Variants in ADAMTS19 observed in about 807,000 individuals in gnomAD.
ADAMTS19 encodes the protein ADAM metallopeptidase with thrombospondin type 1 motif 19.
ADAMTS19 carries 93 observed loss-of-function variants against 153.3 expected under a neutral mutation model. The observed-to-expected ratio is 0.61, with a 90% CI of 0.51 to 0.72. The LOEUF is 0.72. ADAMTS19 is among the 30% of genes least tolerant of loss of function. The pLI is 0.00. For missense variants in ADAMTS19, 1,482 were observed against 1,552.1 expected (o/e 0.95, Z 0.76); for synonymous variants, 600 against 556.6 (o/e 1.08, Z -1.10).
chr5:129,550,035 T>C (rs1366185731), intron 6 of ADAMTS19, among the ~76,000 whole-genome samples: 20 of 118,318 alleles, frequency 1.7e-4, no homozygotes, highest in African/African-American at 6.1e-4. Flanking sequence ...TATCTAGATA[T>C]ACATATACAT....
intron 2 of ADAMTS19, among the ~76,000 whole-genome samples, chr5:129,462,088 C>G (rs189430970): frequency 1.4e-3 from 219 of 152,330 alleles, no homozygotes; most frequent in African/African-American, 5.2e-3. Flanking sequence ...AAACTAAGCG[C>G]TCCACGTGAT....
chr5:129,467,573 C>G (rs1437385333), intron 2 of ADAMTS19, among the ~76,000 whole-genome samples: 3 of 152,134 alleles, frequency 2.0e-5, no homozygotes, highest in Non-Finnish European at 4.4e-5. Flanking sequence ...GAGAGATGAT[C>G]TACAGTGGGA....
intron 7 of ADAMTS19, among the ~76,000 whole-genome samples, chr5:129,582,448 G>A (rs1259313414): frequency 3.3e-5 from 5 of 151,400 alleles, no homozygotes; most frequent in Non-Finnish European, 7.4e-5. Context: ...TCATTTGCTT[G>A]TAAATATTAC....
chr5:129,471,132 G>A (rs935264826), intron 2 of ADAMTS19, among the ~76,000 whole-genome samples: 2 of 152,026 alleles, frequency 1.3e-5, no homozygotes, highest in African/African-American at 4.8e-5. Context: ...GAGGTAGTTG[G>A]TAGAGGAAGT....
intron 3 of ADAMTS19, among the ~76,000 whole-genome samples, chr5:129,521,662 G>A (rs1751804733): frequency 6.6e-6 from 1 of 152,052 alleles, no homozygotes; most frequent in South Asian, 2.1e-4. Flanking sequence ...CTAGCCTATA[G>A]GATGAAGGAA....
intron 8 of ADAMTS19, among the ~76,000 whole-genome samples, chr5:129,605,609 G>C (rs946405700): frequency 1.5e-4 from 23 of 152,100 alleles, no homozygotes; most frequent in African/African-American, 4.6e-4. Flanking sequence ...ACTTCAAAAT[G>C]TAACTCTCTA....
intron 6 of ADAMTS19, among the ~76,000 whole-genome samples, chr5:129,536,868 A>G (rs2126788777): frequency 6.7e-6 from 1 of 148,842 alleles, no homozygotes; most frequent in South Asian, 2.2e-4. Flanking sequence ...ATGAGAACAC[A>G]TGGACACAGG....
At chr5:129,522,258 A>G (rs1370704035) in intron 3 of ADAMTS19, among the ~76,000 whole-genome samples, 2 of 146,152 alleles carry the variant, frequency 1.4e-5, no homozygotes, top group Non-Finnish European at 3.0e-5. Context: ...CACACATAAT[A>G]TATAAACAAC....
At chr5:129,662,344 CTAAG>C (rs1196097903) in intron 15 of ADAMTS19, among the ~76,000 whole-genome samples, 1 of 152,176 alleles carries the variant, frequency 6.6e-6, no homozygotes, top group African/African-American at 2.4e-5. Flanking sequence ...TTCTAAGCTT[CTAAG>C]TCAGTACACT....
intron 21 of ADAMTS19, among the ~76,000 whole-genome samples, chr5:129,706,961 G>C (rs1756187444): frequency 6.6e-6 from 1 of 152,092 alleles, no homozygotes; most frequent in Admixed American, 6.5e-5. Flanking sequence ...TGGTTTTGTG[G>C]TGTTACTGTA....
At chr5:129,628,036 G>A (rs1260556482) in intron 10 of ADAMTS19, among the ~76,000 whole-genome samples, 1 of 152,036 alleles carries the variant, frequency 6.6e-6, no homozygotes, top group East Asian at 1.9e-4. Context: ...CAATAGCAAA[G>A]ACATAGAATT....
chr5:129,534,343 C>G (rs542054891), intron 6 of ADAMTS19, among the ~76,000 whole-genome samples: 1 of 151,978 alleles, frequency 6.6e-6, no homozygotes, highest in Non-Finnish European at 1.5e-5. Context: ...ATAAATTCCT[C>G]GACGCATACA....
intron 3 of ADAMTS19, among the ~76,000 whole-genome samples, chr5:129,518,782 A>G (rs988391462): frequency 6.6e-6 from 1 of 151,918 alleles, no homozygotes; most frequent in African/African-American, 2.4e-5. Context: ...TTCTACCTTT[A>G]TCTCTTTTTC....
At chr5:129,482,610 G>A (rs1273725758) in intron 2 of ADAMTS19, among the ~76,000 whole-genome samples, 1 of 152,124 alleles carries the variant, frequency 6.6e-6, no homozygotes, top group African/African-American at 2.4e-5. Context: ...ACAAAGATGA[G>A]TTATCATACA....
intron 14 of ADAMTS19, among the ~76,000 whole-genome samples, chr5:129,655,424 G>A (rs1483976018): frequency 2.6e-5 from 4 of 152,168 alleles, no homozygotes; most frequent in Non-Finnish European, 5.9e-5. Flanking sequence ...TAAATCCTTT[G>A]GCAATGAAAG....
At chr5:129,517,344 T>G (rs994416855) in intron 3 of ADAMTS19, among the ~76,000 whole-genome samples, 2 of 152,010 alleles carry the variant, frequency 1.3e-5, no homozygotes, top group Non-Finnish European at 2.9e-5. Flanking sequence ...TGGTTGATTT[T>G]CTGTCTGGAA....
At chr5:129,623,173 T>C (rs1392310668) in intron 10 of ADAMTS19, among the ~76,000 whole-genome samples, 1 of 152,176 alleles carries the variant, frequency 6.6e-6, no homozygotes, top group Non-Finnish European at 1.5e-5. Flanking sequence ...GGAAAATGTA[T>C]AATGGTAAAG....
At chr5:129,470,986 T>A (rs1487026196) in intron 2 of ADAMTS19, among the ~76,000 whole-genome samples, 2 of 149,808 alleles carry the variant, frequency 1.3e-5, no homozygotes, top group African/African-American at 2.5e-5. Context: ...ACTTCTGCAG[T>A]GAGGCTACAT....
intron 3 of ADAMTS19, among the ~76,000 whole-genome samples, chr5:129,521,830 AAAAAGC>A (rs1429084967): frequency 1.3e-5 from 2 of 151,962 alleles, no homozygotes; most frequent in Non-Finnish European, 2.9e-5. Context: ...ACATCTAACC[AAAAAGC>A]AGTGGTTGAG....
Sources: gnomAD v4.1 joint callset for allele counts (sites outside exome capture counted in the v4.1 genomes callset) on GRCh38, gnomAD v4.1.1 for gene constraint, MANE v1.5 for transcripts, NCBI Gene and HGNC (gene_info 2026-07-23, HGNC 2026-07-21) for gene names.